SEC23A: variants seen among roughly 807,000 people sequenced by gnomAD.
SEC23A encodes the protein SEC23 homolog A, COPII component.
In SEC23A, 56 loss-of-function variants were observed where a neutral mutation model predicts 103.7. That is an observed-to-expected ratio of 0.54 (90% CI 0.44 to 0.67). SEC23A has a LOEUF of 0.67. Ranked by LOEUF, SEC23A falls within the 30% of genes least tolerant of loss-of-function variation. SEC23A has a pLI of 0.00. For missense variants in SEC23A, 784 were observed against 936.4 expected, an observed-to-expected ratio of 0.84 and a Z score of 2.12; for synonymous variants, 281 against 293.0, an observed-to-expected ratio of 0.96 and a Z score of 0.42.
At chr14:39,099,896 A>G (rs188842692) in intron 1 of SEC23A, among the ~76,000 whole-genome samples, 1 of 152,192 alleles carries the variant, frequency 6.6e-6, no homozygotes, top group African/African-American at 2.4e-5. Context: ...GATACTCAAT[A>G]ATGTTTAAGT....
At chr14:39,096,202 A>C in intron 1 of SEC23A, 63 bp from the exon 2 acceptor site, 1 of 1,028,618 alleles carries the variant, frequency 9.7e-7, no homozygotes, top group Non-Finnish European at 1.5e-6. Flanking sequence ...CAAAATATGA[A>C]TGTTCTCCCC....
Position 39,086,022 on chromosome 14 carries a change from A to G in SEC23A, c.684-116T>C, listed in dbSNP as rs536313215. On this transcript the variant is annotated intron_variant, in intron 6 of 19. Transcript: ENST00000307712. ...AACACTCTGAACACACAGCAGACCAATGGTTCTCAAACTTTCGTGTATATG... is the reference window on the plus strand; with the variant it reads ...AACACTCTGAACACACAGCAGACCAGTGGTTCTCAAACTTTCGTGTATATG... The G allele has an allele frequency of 7.0e-5, 64 of 911,374 alleles. No homozygotes were observed. The African/African-American group carries it at 9.0e-4, about 13-fold the overall frequency. The allele number at this position is 911,374 out of a possible 1,614,324, so 56.5% of individuals were successfully genotyped here. A position where few individuals can be genotyped will look rare whatever the true frequency, so the allele number is the denominator to read the frequency against.
intron 13 of SEC23A, among the ~76,000 whole-genome samples, chr14:39,058,065 T>C (rs1886308557): frequency 6.6e-6 from 1 of 152,240 alleles, no homozygotes; most frequent in Non-Finnish European, 1.5e-5. Context: ...TAAATCCAAC[T>C]GATCCTGGGT....
At chr14:39,038,881 A>G (rs1283481476) in intron 19 of SEC23A, 150 bp downstream of exon 19, 4 of 734,150 alleles carry the variant, frequency 5.4e-6, no homozygotes, top group Non-Finnish European at 9.3e-6. Context: ...GTGTCGCCAA[A>G]TATTAATTCT....
chr14:39,062,351 G>A (rs1886506530), intron 12 of SEC23A, among the ~76,000 whole-genome samples: 1 of 152,032 alleles, frequency 6.6e-6, no homozygotes, highest in African/African-American at 2.4e-5. Flanking sequence ...GCTCTCCAAT[G>A]AGCATTTTCT....
At chr14:39,078,350 G>T (rs1887111247) in intron 7 of SEC23A, among the ~76,000 whole-genome samples, 2 of 152,150 alleles carry the variant, frequency 1.3e-5, no homozygotes. Context: ...AATTGTACTG[G>T]ATTATCAAAA....
At chr14:39,051,386 G>A (rs1886055403) in intron 14 of SEC23A, among the ~76,000 whole-genome samples, 1 of 152,224 alleles carries the variant, frequency 6.6e-6, no homozygotes, top group African/African-American at 2.4e-5. Flanking sequence ...CTGCCCTGCT[G>A]CTGTTGTAAA....
At chr14:39,064,684 G>C (rs1214525704) in intron 11 of SEC23A, 6 of 534,630 alleles carry the variant, frequency 1.1e-5, no homozygotes, top group Non-Finnish European at 2.0e-5. Context: ...AATGCTATAG[G>C]CTGCCACCCC....
At chr14:39,078,314 A>G (rs1887110263) in intron 7 of SEC23A, among the ~76,000 whole-genome samples, 1 of 152,212 alleles carries the variant, frequency 6.6e-6, no homozygotes, top group African/African-American at 2.4e-5. Context: ...GCAGTAGATC[A>G]GAAATTTTGA....
chr14:39,043,109 T>C (rs1211222151), intron 16 of SEC23A, among the ~76,000 whole-genome samples: 1 of 152,156 alleles, frequency 6.6e-6, no homozygotes, highest in African/African-American at 2.4e-5. Context: ...CCCAAGTAGC[T>C]GGGACTACAG....
At chr14:39,075,733 T>A (rs148281076) in intron 8 of SEC23A, among the ~76,000 whole-genome samples, 356 of 152,346 alleles carry the variant, frequency 2.3e-3, no homozygotes, top group Non-Finnish European at 3.9e-3. Flanking sequence ...TGACACGTAC[T>A]ATGAAGTGTT....
At position 39,067,313 on chromosome 14, in the gene SEC23A, A is replaced by G. The variant is rs1886703598; in HGVS notation, c.1104-17T>C. ...ATGTATCCTCTGCATGGAAAGAACA[A>G]AAAAACAACATACTTGACACAGTTA... is the stretch of plus-strand genomic sequence containing the variant. On this transcript the variant is annotated splice_polypyrimidine_tract_variant and intron_variant, in intron 9 of 19. Coordinates refer to ENST00000307712, the MANE Select transcript of SEC23A (RefSeq NM_006364.4). 8 of 1,613,012 alleles carry G rather than the reference A, an allele frequency of 5.0e-6. No individual in the cohort carries two copies. In the East Asian group the frequency reaches 1.8e-4, roughly 36 times the overall value.
intron 9 of SEC23A, among the ~76,000 whole-genome samples, chr14:39,070,353 G>A (rs1381543029): frequency 6.6e-6 from 1 of 152,204 alleles, no homozygotes; most frequent in African/African-American, 2.4e-5. Context: ...GCTCATGGAA[G>A]AGGAAAGAAC....
chr14:39,069,459 TTTATTATTA>T (rs779328177), intron 9 of SEC23A, among the ~76,000 whole-genome samples: 102 of 152,000 alleles, frequency 6.7e-4, no homozygotes, highest in Non-Finnish European at 1.3e-3. Context: ...GTACATTCTC[TTTATTATTA>T]TTATTTTTTG....
intron 6 of SEC23A, 26 bp downstream of exon 6, chr14:39,086,903 C>A: frequency 1.4e-6 from 2 of 1,422,380 alleles, no homozygotes; most frequent in South Asian, 2.3e-5. Flanking sequence ...CAGAAACGGT[C>A]AAATTCTCTT....
Position 39,033,260 on chromosome 14 carries a change from A to G in SEC23A, c.2277T>C (p.Leu759=). ...LQVFMDHLKK[L]AVSSAA is the part of the protein sequence containing the mutation. ...CACTTCAAGCAGCACTGGACACAGC[A>G]AGTTTCTTCAAGTGATCCATAAACA... The change falls in exon 20 of 20, where the codon CTT becomes CTC. Residue 759 remains leucine (L), a synonymous_variant. Coordinates refer to ENST00000307712, the MANE Select transcript of SEC23A (RefSeq NM_006364.4). 6.2e-7 allele frequency: 1 copy of G among 1,612,430 alleles called. No individual in the cohort carries two copies. Among genetic ancestry groups the G allele is most frequent in the Non-Finnish European group, 8.5e-7 (1 of 1,178,466 alleles).
At position 39,045,227 on chromosome 14, in the gene SEC23A, A is replaced by C; in HGVS notation, c.1835T>G (p.Leu612Arg). The C allele has an allele frequency of 6.2e-7, 1 of 1,613,654 alleles. No homozygotes were observed. Among genetic ancestry groups the C allele is most frequent in the South Asian group, 1.1e-5 (1 of 91,078 alleles). ...CTGAATCATAATTAGAGACTGGGTC[A>C]GATCTTGACGCATAAAATGGTGACG... ...YYRHHFMRQD[L>R]TQSLIMIQPI... The change falls in exon 16 of 20, where the codon CTG becomes CGG. Residue 612 changes from leucine (L) to arginine (R), a missense_variant. Coordinates refer to ENST00000307712, the MANE Select transcript of SEC23A (RefSeq NM_006364.4).
At position 39,095,894 on chromosome 14, in the gene SEC23A, T is replaced by C. The variant is rs1267020618; in HGVS notation, c.221+4A>G. The C allele has an allele frequency of 1.3e-6, 2 of 1,593,256 alleles. No individual in the cohort carries two copies. The highest frequency in any genetic ancestry group is 2.2e-5 in the East Asian group (1 of 44,730). ...ACATTAGTTTTTCTATATATTTTAC[T>C]TACCATAAAGGATTCAAAACTGCAC... On this transcript the variant is annotated splice_donor_region_variant and intron_variant, in intron 2 of 19. Transcript: ENST00000307712.
In SEC23A at chr14:39,032,997, A is replaced by T; in HGVS notation, c.*242T>A. ...TATTAAACATAATTAAGTTATAAAGACTTCAAATTTCTAGAACCAGCTATA... is the reference window on the plus strand; with the variant it reads ...TATTAAACATAATTAAGTTATAAAGTCTTCAAATTTCTAGAACCAGCTATA... On this transcript the variant is annotated 3_prime_UTR_variant, in exon 20 of 20. Coordinates refer to ENST00000307712, the MANE Select transcript of SEC23A (RefSeq NM_006364.4). 1 of 483,972 alleles carries T rather than the reference A, an allele frequency of 2.1e-6. No homozygotes were observed. The highest frequency in any genetic ancestry group is 3.4e-5 in the Admixed American group (1 of 29,142). 30.0% of individuals were successfully genotyped at this position (483,972 alleles called of 1,614,324 possible).
Sources: allele counts gnomAD v4.1 joint callset (sites outside exome capture counted in the v4.1 genomes callset), GRCh38; gene constraint gnomAD v4.1.1; transcripts MANE v1.5; gene names NCBI Gene and HGNC (gene_info 2026-07-23, HGNC 2026-07-21).